DLC1: variants seen among roughly 807,000 people sequenced by gnomAD.
DLC1 encodes DLC1 Rho GTPase activating protein, also known as rho GTPase-activating protein 7.
Under a neutral mutation model 140.3 loss-of-function variants are expected in DLC1, and 54 were observed. The observed-to-expected ratio is 0.38, with a 90% confidence interval of 0.31 to 0.48. The LOEUF (loss-of-function observed/expected upper bound fraction) is 0.48, where lower values mean the gene tolerates loss of function less well. DLC1 is among the 20% of genes least tolerant of loss of function. The pLI, the probability that DLC1 is intolerant of heterozygous loss-of-function variation, is 0.96. For missense variants in DLC1, 2,536 were observed against 1,907.0 expected, an observed-to-expected ratio of 1.33 and a Z score of -6.14; for synonymous variants, 986 against 728.1, an observed-to-expected ratio of 1.35 and a Z score of -5.70.
intron 5 of DLC1, among the ~76,000 whole-genome samples, chr8:13,237,668 C>T (rs1829349939): frequency 6.6e-6 from 1 of 152,084 alleles, no homozygotes; most frequent in African/African-American, 2.4e-5. Context: ...CATGTTTCTA[C>T]ATCCTCATAG....
intron 2 of DLC1, among the ~76,000 whole-genome samples, chr8:13,409,012 T>C (rs530380507): frequency 6.6e-6 from 1 of 152,040 alleles, no homozygotes; most frequent in Non-Finnish European, 1.5e-5. Context: ...AATGTACCCC[T>C]TATTTTTTTT....
At chr8:13,512,381 T>C (rs767756137) in intron 1 of DLC1, among the ~76,000 whole-genome samples, 28 of 152,298 alleles carry the variant, frequency 1.8e-4, no homozygotes, top group Non-Finnish European at 2.8e-4. Context: ...ATATATGAAG[T>C]ATGATGCAGA....
intron 5 of DLC1, among the ~76,000 whole-genome samples, chr8:13,143,841 AGAG>A (rs1385948672): frequency 0.011 from 1,695 of 151,646 alleles, 32 homozygotes; most frequent in African/African-American, 0.039. Flanking sequence ...AGAGAGAGAG[AGAG>A]AGAGAGAGAC....
At chr8:13,453,027 T>A (rs1799140757) in intron 2 of DLC1, among the ~76,000 whole-genome samples, 1 of 152,026 alleles carries the variant, frequency 6.6e-6, no homozygotes, top group Non-Finnish European at 1.5e-5. Context: ...CCTCACTTTT[T>A]CCTCACAAAA....
intron 1 of DLC1, chr8:13,567,019 A>G: frequency 1.3e-6 from 2 of 1,550,712 alleles, no homozygotes; most frequent in Non-Finnish European, 1.7e-6. Flanking sequence ...ATTGGCCCAA[A>G]CGGACAAAAG....
intron 1 of DLC1, among the ~76,000 whole-genome samples, chr8:13,513,631 A>T (rs1392805456): frequency 6.6e-6 from 1 of 152,148 alleles, no homozygotes; most frequent in Non-Finnish European, 1.5e-5. Flanking sequence ...GATGAATTTT[A>T]TTATAAATAT....
chr8:13,119,437 C>A (rs1013012585), intron 5 of DLC1, among the ~76,000 whole-genome samples: 1 of 152,126 alleles, frequency 6.6e-6, no homozygotes, highest in African/African-American at 2.4e-5. Context: ...AAGATCCCAA[C>A]TAAATGCCAC....
At chr8:13,511,062 G>C (rs115921190) in intron 1 of DLC1, among the ~76,000 whole-genome samples, 1 of 151,820 alleles carries the variant, frequency 6.6e-6, no homozygotes, top group African/African-American at 2.4e-5. Flanking sequence ...TGGCAAGCTA[G>C]GTATTTTGCT....
At chr8:13,279,445 G>A (rs1033667742) in intron 5 of DLC1, among the ~76,000 whole-genome samples, 4 of 152,188 alleles carry the variant, frequency 2.6e-5, no homozygotes, top group African/African-American at 7.2e-5. Context: ...TACTTAAGAG[G>A]ACTTTATGTT....
chr8:13,434,321 T>C (rs1839016860), intron 2 of DLC1, among the ~76,000 whole-genome samples: 1 of 152,234 alleles, frequency 6.6e-6, no homozygotes, highest in Admixed American at 6.5e-5. Context: ...GATAACTCTC[T>C]ATAACCCAAG....
intron 2 of DLC1, among the ~76,000 whole-genome samples, chr8:13,461,619 C>T (rs289534): frequency 0.42 from 64,219 of 152,064 alleles, 13,738 homozygotes; most frequent in African/African-American, 0.45. Context: ...TATTTATTTA[C>T]TATTGGTTTA....
intron 1 of DLC1, among the ~76,000 whole-genome samples, chr8:13,534,471 T>C (rs1467166356): frequency 6.6e-6 from 1 of 152,238 alleles, no homozygotes; most frequent in African/African-American, 2.4e-5. Flanking sequence ...TGGAACATAC[T>C]GTTCTGGAAG....
chr8:13,332,194 T>A (rs1833619646), intron 4 of DLC1, among the ~76,000 whole-genome samples: 1 of 152,238 alleles, frequency 6.6e-6, no homozygotes, highest in African/African-American at 2.4e-5. Flanking sequence ...TTGAAAATCA[T>A]TGTAAAGTGC....
chr8:13,504,846 G>C (rs766392393), intron 1 of DLC1, among the ~76,000 whole-genome samples: 2 of 152,078 alleles, frequency 1.3e-5, no homozygotes, highest in Non-Finnish European at 2.9e-5. Context: ...AACACAGTGG[G>C]AAAGACATGG....
chr8:13,337,512 A>C (rs1833855351), intron 4 of DLC1, among the ~76,000 whole-genome samples: 2 of 152,188 alleles, frequency 1.3e-5, no homozygotes, highest in South Asian at 4.1e-4. Flanking sequence ...CAATCACATT[A>C]ACATCATGAA....
chr8:13,410,789 C>T (rs769747168), intron 2 of DLC1, among the ~76,000 whole-genome samples: 2 of 152,256 alleles, frequency 1.3e-5, no homozygotes, highest in South Asian at 2.1e-4. Flanking sequence ...CCCACTAGAT[C>T]GTCAGCCCCA....
chr8:13,411,870 G>A (rs1413522448), intron 2 of DLC1, among the ~76,000 whole-genome samples: 2 of 151,820 alleles, frequency 1.3e-5, no homozygotes, highest in African/African-American at 4.8e-5. Flanking sequence ...ATTTTTTTTA[G>A]TGTTTTAGGT....
intron 4 of DLC1, among the ~76,000 whole-genome samples, chr8:13,316,268 C>G (rs970012613): frequency 6.6e-6 from 1 of 152,068 alleles, no homozygotes; most frequent in African/African-American, 2.4e-5. Context: ...GGTGGAAGGG[C>G]AATGTGGGTT....
chr8:13,090,983 T>C (rs1818014611), intron 14 of DLC1, among the ~76,000 whole-genome samples: 1 of 151,784 alleles, frequency 6.6e-6, no homozygotes, highest in African/African-American at 2.4e-5. Flanking sequence ...TTTTAAATTT[T>C]TTTTTGTAGA....
Sources: gnomAD v4.1 joint callset for allele counts (sites outside exome capture counted in the v4.1 genomes callset) on GRCh38, gnomAD v4.1.1 for gene constraint, MANE v1.5 for transcripts, NCBI Gene and HGNC (gene_info 2026-07-23, HGNC 2026-07-21) for gene names.